The following SLC35F4 variants were observed in gnomAD, a reference collection of about 807,000 sequenced individuals.
The protein encoded by SLC35F4 is chromosome 14 open reading frame 36.
Under a neutral mutation model 44.2 loss-of-function variants are expected in SLC35F4, and 24 were observed. That is an observed-to-expected ratio of 0.54 (90% CI 0.39 to 0.76). The LOEUF (loss-of-function observed/expected upper bound fraction) is 0.76, where lower values mean the gene tolerates loss of function less well. Among genes scored for constraint, SLC35F4 ranks in the 30% least tolerant of loss-of-function variants. SLC35F4 has a pLI of 0.00. For synonymous variants in SLC35F4, 238 were observed against 223.6 expected, an observed-to-expected ratio of 1.06 and a Z score of -0.57; for missense variants, 562 against 586.1, an observed-to-expected ratio of 0.96 and a Z score of 0.42.
chr14:57,875,834 G>A (rs1400630245), intron 1 of SLC35F4, among the ~76,000 whole-genome samples: 2 of 152,124 alleles, frequency 1.3e-5, no homozygotes, highest in African/African-American at 4.8e-5. Context: ...GGCCATTCTT[G>A]GATTCTGCTA....
At chr14:57,944,180 C>G (rs1889966955) in intron 1 of SLC35F4, among the ~76,000 whole-genome samples, 1 of 152,194 alleles carries the variant, frequency 6.6e-6, no homozygotes, top group South Asian at 2.1e-4. Context: ...TCGTCAAGTA[C>G]CAGGCTGACC....
chr14:57,848,787 C>T (rs1020649404), intron 1 of SLC35F4, among the ~76,000 whole-genome samples: 3 of 152,124 alleles, frequency 2.0e-5, no homozygotes, highest in Admixed American at 6.5e-5. Flanking sequence ...GTTTGTAGGC[C>T]GTTATAAATG....
At chr14:57,588,333 C>A (rs540922523) in intron 3 of SLC35F4, among the ~76,000 whole-genome samples, 1 of 151,586 alleles carries the variant, frequency 6.6e-6, no homozygotes, top group South Asian at 2.1e-4. Flanking sequence ...ACTCTTCTTC[C>A]ATCTGCCATC....
chr14:57,716,430 C>T (rs562786785), intron 1 of SLC35F4, among the ~76,000 whole-genome samples: 69 of 152,180 alleles, frequency 4.5e-4, no homozygotes, highest in African/African-American at 1.6e-3. Context: ...ATATAAATAA[C>T]TCCCACATGC....
chr14:57,863,518 A>G (rs944406272), intron 1 of SLC35F4, among the ~76,000 whole-genome samples: 1 of 152,218 alleles, frequency 6.6e-6, no homozygotes, highest in African/African-American at 2.4e-5. Flanking sequence ...TTATATATTC[A>G]TCACTGTAGC....
At position 57,622,072 on chromosome 14, in the gene SLC35F4, C is replaced by T. The variant is rs1410031023; in HGVS notation, c.104-27948G>A. Among the ~76,000 whole-genome samples the T allele has an allele frequency of 6.1e-5, 9 of 148,174 alleles. No individual in the cohort carries two copies. In the South Asian group the frequency reaches 1.3e-3, roughly 21 times the overall value. On this transcript the variant is annotated intron_variant, in intron 1 of 7. Coordinates refer to ENST00000556826, the MANE Select transcript of SLC35F4 (RefSeq NM_001306087.2). ...GCCAAAAAACACATGAAAAAATGCTCGCCATCACTGGCCATCAGAGAAATG... is the reference window on the plus strand; with the variant it reads ...GCCAAAAAACACATGAAAAAATGCTTGCCATCACTGGCCATCAGAGAAATG...
chr14:57,649,345 G>C (rs1481014493), intron 1 of SLC35F4, among the ~76,000 whole-genome samples: 7 of 152,204 alleles, frequency 4.6e-5, no homozygotes, highest in Non-Finnish European at 8.8e-5. Flanking sequence ...AGGTTCCAGG[G>C]GAGAACACTT....
In SLC35F4 at chr14:57,604,073, T is replaced by C. The variant is rs183962050; in HGVS notation, c.104-9949A>G. 3 of 152,302 alleles carry C rather than the reference T, an allele frequency of 2.0e-5. No homozygotes were observed. In the East Asian group the frequency reaches 5.8e-4, roughly 29 times the overall value. 9.4% of individuals were successfully genotyped at this position (152,302 alleles called of 1,614,324 possible). A position where few individuals can be genotyped will look rare whatever the true frequency, so the allele number is the denominator to read the frequency against. ...AGACAGTGTAGCTGGCTGTTACCACTGATGAGCACCTGGTGGCAAGTTTTC... is the reference window on the plus strand; with the variant it reads ...AGACAGTGTAGCTGGCTGTTACCACCGATGAGCACCTGGTGGCAAGTTTTC... On this transcript the variant is annotated intron_variant, in intron 1 of 7. Transcript: ENST00000556826.
At chr14:57,837,053 C>G (rs1483729511) in intron 1 of SLC35F4, among the ~76,000 whole-genome samples, 1 of 152,150 alleles carries the variant, frequency 6.6e-6, no homozygotes, top group Non-Finnish European at 1.5e-5. Context: ...AGGCTCTTCT[C>G]CTTACTAAAA....
intron 1 of SLC35F4, among the ~76,000 whole-genome samples, chr14:57,735,347 G>T (rs185853653): frequency 2.6e-5 from 4 of 152,186 alleles, no homozygotes; most frequent in Admixed American, 2.0e-4. Context: ...GGCTTCAAAC[G>T]ATGCTTTGTG....
At chr14:57,925,106 C>T (rs1889529880) in intron 1 of SLC35F4, among the ~76,000 whole-genome samples, 1 of 152,022 alleles carries the variant, frequency 6.6e-6, no homozygotes, top group Non-Finnish European at 1.5e-5. Flanking sequence ...TGAGAATTCA[C>T]TCATCCCGCA....
rs541494775 is a variant in SLC35F4, at chr14:57,772,565, C to CATCT, written c.103+93154_103+93157dup. On this transcript the variant is annotated intron_variant, in intron 1 of 7. Transcript: ENST00000556826. ...TGGAGTCCCCAGTGTCTATTATTTC[C>CATCT]ATCTTTATATGTACCCATTGTTTAG... 2.8e-4 allele frequency among the ~76,000 whole-genome samples: 43 copies of CATCT among 152,180 alleles called. No individual in the cohort carries two copies. The East Asian group carries it at 7.9e-3, about 28-fold the overall frequency.
At chr14:57,677,413 AAT>A (rs768858650) in intron 1 of SLC35F4, among the ~76,000 whole-genome samples, 21,948 of 113,050 alleles carry the variant, frequency 0.19, 1,779 homozygotes, top group East Asian at 0.31. Context: ...TTGAAAAAAA[AAT>A]AAAAATTATT....
At chr14:57,737,893 A>G (rs1327831774) in intron 1 of SLC35F4, among the ~76,000 whole-genome samples, 1 of 152,222 alleles carries the variant, frequency 6.6e-6, no homozygotes, top group Non-Finnish European at 1.5e-5. Flanking sequence ...GTAAATAGAG[A>G]TAAGGCTTAT....
At chr14:57,615,772 G>T (rs1023127558) in intron 1 of SLC35F4, among the ~76,000 whole-genome samples, 1 of 145,964 alleles carries the variant, frequency 6.9e-6, no homozygotes, top group Non-Finnish European at 1.5e-5. Context: ...CACCCAATGT[G>T]AAATTGATCC....
chr14:57,948,281 A>G (rs979929560), intron 1 of SLC35F4, among the ~76,000 whole-genome samples: 6 of 151,882 alleles, frequency 4.0e-5, no homozygotes, highest in African/African-American at 1.5e-4. Flanking sequence ...ATTTCCAGGA[A>G]TTTTTCCATC....
intron 1 of SLC35F4, among the ~76,000 whole-genome samples, chr14:57,856,213 C>A (rs1449094697): frequency 2.6e-5 from 4 of 151,932 alleles, no homozygotes; most frequent in African/African-American, 9.7e-5. Context: ...GGAGAAATAC[C>A]TAATGTAGGT....
chr14:57,679,758 A>G (rs58690633), intron 1 of SLC35F4, among the ~76,000 whole-genome samples: 22,420 of 152,060 alleles, frequency 0.15, 1,895 homozygotes, highest in East Asian at 0.29. Context: ...CTATGCAAAT[A>G]AACTAGAAAA....
At chr14:57,827,087 A>G (rs1883859332) in intron 1 of SLC35F4, among the ~76,000 whole-genome samples, 2 of 152,066 alleles carry the variant, frequency 1.3e-5, no homozygotes, top group South Asian at 4.1e-4. Flanking sequence ...TATTCACAAT[A>G]GCAAAGACAT....
Sources: gnomAD v4.1 joint callset for allele counts (sites outside exome capture counted in the v4.1 genomes callset) on GRCh38, gnomAD v4.1.1 for gene constraint, MANE v1.5 for transcripts, NCBI Gene and HGNC (gene_info 2026-07-23, HGNC 2026-07-21) for gene names.